Variants in UTRN observed in about 807,000 individuals in gnomAD.
The protein encoded by UTRN is dystrophin-related protein 1.
UTRN carries 283 observed loss-of-function variants against 463.9 expected under a neutral mutation model. The observed-to-expected ratio is 0.61, with a 90% confidence interval of 0.55 to 0.67. The LOEUF is 0.67. Ranked by LOEUF, UTRN falls within the 30% of genes least tolerant of loss-of-function variation. The pLI is 0.00. For synonymous variants in UTRN, 1,442 were observed against 1,431.5 expected (o/e 1.01, Z -0.17); for missense variants, 3,922 against 4,084.3 (o/e 0.96, Z 1.08).
At chr6:144,758,540 C>T (rs1169412835) in intron 58 of UTRN, among the ~76,000 whole-genome samples, 1 of 152,130 alleles carries the variant, frequency 6.6e-6, no homozygotes, top group Non-Finnish European at 1.5e-5. Context: ...GCATTATTAG[C>T]ATAGGCTCAT....
chr6:144,778,457 G>A (rs1403352795), intron 60 of UTRN, among the ~76,000 whole-genome samples: 1 of 152,044 alleles, frequency 6.6e-6, no homozygotes, highest in Non-Finnish European at 1.5e-5. Flanking sequence ...GAGATCAGCA[G>A]GAGAAAAGAG....
At chr6:144,833,289 T>A (rs1780826249) in intron 69 of UTRN, among the ~76,000 whole-genome samples, 1 of 152,214 alleles carries the variant, frequency 6.6e-6, no homozygotes, top group Non-Finnish European at 1.5e-5. Flanking sequence ...ACCTGCCTGG[T>A]CATATGGATG....
intron 39 of UTRN, 23 bp downstream of exon 39, chr6:144,516,971 G>A: frequency 7.0e-7 from 1 of 1,428,558 alleles, no homozygotes. Context: ...GAGAGTCTCT[G>A]TTGCATTTAA....
chr6:144,433,603 A>G (rs1157490105), intron 9 of UTRN, among the ~76,000 whole-genome samples: 14 of 147,402 alleles, frequency 9.5e-5, no homozygotes, highest in African/African-American at 3.5e-4. Flanking sequence ...GTTGCCAGGC[A>G]GAGGGTCTCC....
intron 25 of UTRN, among the ~76,000 whole-genome samples, chr6:144,477,551 C>CAT (rs1791353959): frequency 6.6e-6 from 1 of 151,814 alleles, no homozygotes; most frequent in Non-Finnish European, 1.5e-5. Context: ...CACACACACA[C>CAT]ACACACACAC....
At chr6:144,491,176 G>A in intron 32 of UTRN, 74 bp downstream of exon 32, 3 of 1,420,998 alleles carry the variant, frequency 2.1e-6, no homozygotes, top group Non-Finnish European at 1.9e-6. Flanking sequence ...GCAAGTACAT[G>A]CCTAGTGTGT....
chr6:144,521,006 C>T (rs562381935), intron 39 of UTRN, among the ~76,000 whole-genome samples: 43 of 151,964 alleles, frequency 2.8e-4, no homozygotes, highest in African/African-American at 9.7e-4. Context: ...GAGAAGAGGG[C>T]CGGGCATGGT....
At chr6:144,493,943 C>T (rs1029870081) in intron 33 of UTRN, among the ~76,000 whole-genome samples, 2 of 152,134 alleles carry the variant, frequency 1.3e-5, no homozygotes, top group Non-Finnish European at 2.9e-5. Context: ...GCAGAGGTTG[C>T]AGTGAGCTGA....
At chr6:144,387,196 G>A (rs1781494699) in intron 2 of UTRN, among the ~76,000 whole-genome samples, 2 of 152,120 alleles carry the variant, frequency 1.3e-5, no homozygotes, top group Admixed American at 1.3e-4. Flanking sequence ...AGGCTGGAGT[G>A]CAGCGGCGCG....
chr6:144,341,277 T>G (rs73591143), intron 2 of UTRN, among the ~76,000 whole-genome samples: 9,174 of 152,242 alleles, frequency 0.06, 892 homozygotes, highest in African/African-American at 0.21. Flanking sequence ...AGGAAAAAAG[T>G]TTTTATTTTT....
At chr6:144,627,696 G>C (rs947158735) in intron 51 of UTRN, among the ~76,000 whole-genome samples, 1 of 151,798 alleles carries the variant, frequency 6.6e-6, no homozygotes, top group Non-Finnish European at 1.5e-5. Flanking sequence ...TATACAAGTG[G>C]AATTATACAA....
intron 2 of UTRN, among the ~76,000 whole-genome samples, chr6:144,383,017 G>A (rs770265968): frequency 3.9e-5 from 6 of 152,074 alleles, no homozygotes; most frequent in Non-Finnish European, 7.4e-5. Context: ...CTGCAGCCTC[G>A]AACTCTTGGG....
chr6:144,712,841 A>T (rs1170637089), intron 53 of UTRN, among the ~76,000 whole-genome samples: 1 of 152,238 alleles, frequency 6.6e-6, no homozygotes, highest in African/African-American at 2.4e-5. Context: ...CCTTGGAATA[A>T]GTAAGAAATC....
At chr6:144,423,669 G>C in intron 5 of UTRN, 43 bp downstream of exon 5, 1 of 1,602,728 alleles carries the variant, frequency 6.2e-7, no homozygotes, top group Non-Finnish European at 8.5e-7. Context: ...GCTGCCATCA[G>C]CATTATTTAT....
chr6:144,543,242 T>C (rs1234365994), intron 46 of UTRN, among the ~76,000 whole-genome samples: 1 of 152,292 alleles, frequency 6.6e-6, no homozygotes, highest in East Asian at 1.9e-4. Context: ...ATGAGCTTGG[T>C]TAACATATGT....
At chr6:144,809,443 T>G (rs916778595) in intron 65 of UTRN, among the ~76,000 whole-genome samples, 2 of 152,156 alleles carry the variant, frequency 1.3e-5, no homozygotes, top group African/African-American at 4.8e-5. Context: ...GTGGTTGATT[T>G]GAGGTATCCT....
chr6:144,590,090 A>G (rs943078696), intron 51 of UTRN, among the ~76,000 whole-genome samples: 1 of 151,960 alleles, frequency 6.6e-6, no homozygotes, highest in Non-Finnish European at 1.5e-5. Flanking sequence ...CAAACTCCTG[A>G]GCTCAAGCAA....
At chr6:144,656,989 G>A (rs1021828450) in intron 51 of UTRN, among the ~76,000 whole-genome samples, 2 of 152,112 alleles carry the variant, frequency 1.3e-5, no homozygotes, top group Non-Finnish European at 2.9e-5. Context: ...AGTGGCTTAC[G>A]CCTGTAATCC....
chr6:144,297,070 G>T (rs1243501363), intron 2 of UTRN, among the ~76,000 whole-genome samples: 1 of 151,770 alleles, frequency 6.6e-6, no homozygotes, highest in East Asian at 1.9e-4. Context: ...TACTGCTCAA[G>T]GCTTTTAACG....
Sources: allele counts gnomAD v4.1 joint callset (sites outside exome capture counted in the v4.1 genomes callset), GRCh38; gene constraint gnomAD v4.1.1; transcripts MANE v1.5; gene names NCBI Gene and HGNC (gene_info 2026-07-23, HGNC 2026-07-21).